The following PTPRG variants were observed in gnomAD, a reference collection of about 807,000 sequenced individuals.
PTPRG encodes the protein receptor-type tyrosine-protein phosphatase gamma.
In PTPRG, 102 loss-of-function variants were observed where a neutral mutation model predicts 165.3. The ratio of observed to expected loss-of-function variants is 0.62; its 90% CI spans 0.53 to 0.73. The LOEUF (loss-of-function observed/expected upper bound fraction) is 0.73. Ranked by LOEUF, PTPRG falls within the 30% of genes least tolerant of loss-of-function variation. The pLI is 0.00. For synonymous variants in PTPRG, 675 were observed against 669.5 expected (o/e 1.01, Z -0.13); for missense variants, 1,866 against 1,861.4 (o/e 1.00, Z -0.05).
chr3:62,265,742 CTG>C (rs1701842414), intron 17 of PTPRG, among the ~76,000 whole-genome samples: 2 of 152,048 alleles, frequency 1.3e-5, no homozygotes, highest in African/African-American at 4.8e-5. Flanking sequence ...AGGCTCACCA[CTG>C]CTGTGACTAT....
intron 2 of PTPRG, among the ~76,000 whole-genome samples, chr3:61,896,996 G>A (rs2038373924): frequency 6.6e-6 from 1 of 151,364 alleles, no homozygotes; most frequent in Middle Eastern, 3.4e-3. Flanking sequence ...AATTTGTGGT[G>A]TGCAAGTATT....
chr3:62,105,812 T>A (rs1198197473), intron 5 of PTPRG, among the ~76,000 whole-genome samples: 1 of 152,204 alleles, frequency 6.6e-6, no homozygotes, highest in African/African-American at 2.4e-5. Context: ...TGCCCAACAT[T>A]CATATGTCAA....
chr3:61,649,848 T>C (rs552031584), intron 1 of PTPRG, among the ~76,000 whole-genome samples: 1 of 152,306 alleles, frequency 6.6e-6, no homozygotes, highest in Admixed American at 6.5e-5. Flanking sequence ...TTGAAATTGG[T>C]AAAGCCTTGG....
chr3:62,102,473 A>C (rs971988908), intron 5 of PTPRG, among the ~76,000 whole-genome samples: 1 of 152,190 alleles, frequency 6.6e-6, no homozygotes, highest in Admixed American at 6.5e-5. Flanking sequence ...GGGTTTCACC[A>C]TATTGGCCAG....
intron 5 of PTPRG, among the ~76,000 whole-genome samples, chr3:62,080,674 G>T (rs1701540536): frequency 6.6e-6 from 1 of 152,028 alleles, no homozygotes; most frequent in African/African-American, 2.4e-5. Flanking sequence ...GTACTGGAAG[G>T]ACTAGTTTAT....
chr3:62,069,972 A>T (rs1701157198), intron 4 of PTPRG, among the ~76,000 whole-genome samples: 1 of 152,234 alleles, frequency 6.6e-6, no homozygotes, highest in South Asian at 2.1e-4. Flanking sequence ...TGTAAAAAAT[A>T]CTTTCACAAA....
At chr3:61,812,516 C>T (rs1393977456) in intron 2 of PTPRG, among the ~76,000 whole-genome samples, 2 of 152,198 alleles carry the variant, frequency 1.3e-5, no homozygotes, top group South Asian at 4.1e-4. Context: ...CATACTGCCT[C>T]TATTTGTTCC....
intron 2 of PTPRG, among the ~76,000 whole-genome samples, chr3:61,896,739 A>G (rs2107511734): frequency 6.6e-6 from 1 of 152,168 alleles, no homozygotes; most frequent in Non-Finnish European, 1.5e-5. Context: ...ACTGATTTTT[A>G]ATTTTTTACT....
intron 2 of PTPRG, among the ~76,000 whole-genome samples, chr3:61,981,089 C>G (rs1439767270): frequency 6.6e-6 from 1 of 152,204 alleles, no homozygotes; most frequent in Non-Finnish European, 1.5e-5. Context: ...GGGGAACTTA[C>G]AGTCATGGCA....
intron 5 of PTPRG, chr3:62,124,302 G>A: frequency 4.4e-6 from 7 of 1,599,788 alleles, no homozygotes; most frequent in Non-Finnish European, 5.1e-6. Context: ...AGGGTGGTCA[G>A]CGGCATCCTG....
chr3:61,781,642 G>GAT (rs1333466069), intron 2 of PTPRG, among the ~76,000 whole-genome samples: 3 of 152,124 alleles, frequency 2.0e-5, no homozygotes, highest in Non-Finnish European at 4.4e-5. Context: ...TTATCAGTAT[G>GAT]ATAATACTAT....
At chr3:61,737,759 C>A (rs1392028935) in intron 1 of PTPRG, among the ~76,000 whole-genome samples, 4 of 151,838 alleles carry the variant, frequency 2.6e-5, no homozygotes, top group African/African-American at 9.7e-5. Flanking sequence ...CTTGTGCATT[C>A]AGGGTGTTTT....
intron 2 of PTPRG, among the ~76,000 whole-genome samples, chr3:61,894,932 A>G (rs2038310847): frequency 6.6e-6 from 1 of 152,062 alleles, no homozygotes; most frequent in Non-Finnish European, 1.5e-5. Flanking sequence ...AGCACCATTG[A>G]TATTTGGGGC....
At chr3:61,701,739 A>G (rs2030971924) in intron 1 of PTPRG, among the ~76,000 whole-genome samples, 1 of 152,056 alleles carries the variant, frequency 6.6e-6, no homozygotes, top group Non-Finnish European at 1.5e-5. Context: ...TCTACTAAAA[A>G]TAAAAAAATT....
chr3:61,747,353 G>C (rs2033250403), intron 1 of PTPRG, among the ~76,000 whole-genome samples: 1 of 152,118 alleles, frequency 6.6e-6, no homozygotes, highest in South Asian at 2.1e-4. Context: ...AAGGATTAAT[G>C]GGGAATAATT....
chr3:61,947,537 G>C (rs762808716), intron 2 of PTPRG, among the ~76,000 whole-genome samples: 1 of 152,152 alleles, frequency 6.6e-6, no homozygotes. Flanking sequence ...GTATCCGTTA[G>C]GATTTATTCA....
intron 6 of PTPRG, 119 bp from the exon 7 acceptor site, chr3:62,156,948 T>C: frequency 1.1e-6 from 1 of 908,360 alleles, no homozygotes; most frequent in South Asian, 1.6e-5. Context: ...CTTCTCAGGA[T>C]ATAAACAAAC....
intron 2 of PTPRG, among the ~76,000 whole-genome samples, chr3:61,794,441 C>T (rs1192599206): frequency 6.6e-6 from 1 of 152,170 alleles, no homozygotes; most frequent in African/African-American, 2.4e-5. Context: ...AATCTGGTCC[C>T]TATGTAATTT....
chr3:62,108,426 T>G (rs955803007), intron 5 of PTPRG, among the ~76,000 whole-genome samples: 2 of 152,268 alleles, frequency 1.3e-5, no homozygotes, highest in Non-Finnish European at 2.9e-5. Context: ...TACCACATTT[T>G]CTAAATCCGT....
Sources: allele counts gnomAD v4.1 joint callset (sites outside exome capture counted in the v4.1 genomes callset), GRCh38; gene constraint gnomAD v4.1.1; transcripts MANE v1.5; gene names NCBI Gene and HGNC (gene_info 2026-07-23, HGNC 2026-07-21).